Variants in PTPRD observed in about 807,000 individuals in gnomAD.
PTPRD encodes the protein receptor-type tyrosine-protein phosphatase delta.
In PTPRD, 34 loss-of-function variants were observed where a neutral mutation model predicts 214.5. The observed-to-expected ratio is 0.16, with a 90% CI of 0.12 to 0.21. The LOEUF is 0.21. PTPRD is among the 10% of genes least tolerant of loss of function. The probability of loss-of-function intolerance (pLI) is 1.00; values close to 1 mark genes in which losing one functional copy is unlikely to be tolerated. For missense variants in PTPRD, 2,545 were observed against 2,398.7 expected (o/e 1.06, Z -1.27); for synonymous variants, 1,128 against 845.7 (o/e 1.33, Z -5.79).
chr9:8,399,113 T>TTC (rs71317363), intron 36 of PTPRD, among the ~76,000 whole-genome samples: 1 of 146,794 alleles, frequency 6.8e-6, no homozygotes, highest in Non-Finnish European at 1.5e-5. Flanking sequence ...TTTTTTTTTT[T>TTC]CCTTGAAGAA....
intron 3 of PTPRD, among the ~76,000 whole-genome samples, chr9:10,300,801 A>G (rs1317606127): frequency 1.3e-5 from 2 of 152,050 alleles, no homozygotes; most frequent in Non-Finnish European, 2.9e-5. Context: ...TCTCCCTGAG[A>G]CCGAGCACCT....
chr9:10,416,330 G>A (rs10756036), intron 2 of PTPRD, among the ~76,000 whole-genome samples: 111,771 of 151,846 alleles, frequency 0.74, 41,606 homozygotes, highest in Non-Finnish European at 0.81. Context: ...TTGCACTCCA[G>A]CCTGGGCAAG....
At chr9:9,903,757 G>T (rs758096634) in intron 5 of PTPRD, among the ~76,000 whole-genome samples, 1 of 152,004 alleles carries the variant, frequency 6.6e-6, no homozygotes. Context: ...TAAAGTACTT[G>T]AAGTTTTTCA....
intron 12 of PTPRD, among the ~76,000 whole-genome samples, chr9:8,699,403 T>C (rs2098018552): frequency 6.6e-6 from 1 of 152,212 alleles, no homozygotes; most frequent in Non-Finnish European, 1.5e-5. Flanking sequence ...AAATACATGG[T>C]ATTTTTCATG....
At chr9:10,375,818 A>G (rs1021286978) in intron 2 of PTPRD, among the ~76,000 whole-genome samples, 1 of 152,000 alleles carries the variant, frequency 6.6e-6, no homozygotes, top group African/African-American at 2.4e-5. Context: ...AATAAGAGAT[A>G]GTGTTCACAA....
At chr9:10,277,846 G>A (rs894477476) in intron 3 of PTPRD, among the ~76,000 whole-genome samples, 6 of 152,064 alleles carry the variant, frequency 3.9e-5, no homozygotes, top group African/African-American at 1.4e-4. Context: ...CAGGCTGAGT[G>A]CATTAGGGAT....
At chr9:9,985,683 T>G (rs2095685471) in intron 4 of PTPRD, among the ~76,000 whole-genome samples, 1 of 152,024 alleles carries the variant, frequency 6.6e-6, no homozygotes. Context: ...AATTATATTT[T>G]TAAAATATTA....
At chr9:9,109,538 C>G (rs9299087) in intron 10 of PTPRD, among the ~76,000 whole-genome samples, 3 of 151,926 alleles carry the variant, frequency 2.0e-5, no homozygotes, top group Non-Finnish European at 4.4e-5. Context: ...CAAGCATCAA[C>G]GAATAGTGGC....
intron 11 of PTPRD, among the ~76,000 whole-genome samples, chr9:8,734,879 G>T (rs200145576): frequency 1.3e-5 from 2 of 152,270 alleles, no homozygotes; most frequent in East Asian, 3.9e-4. Context: ...TCTCAAACTA[G>T]GCCTTGAAGT....
At chr9:8,388,605 T>A (rs189336980) in intron 37 of PTPRD, among the ~76,000 whole-genome samples, 1 of 152,160 alleles carries the variant, frequency 6.6e-6, no homozygotes, top group Non-Finnish European at 1.5e-5. Flanking sequence ...ATTGGACCCA[T>A]ACGATGAATA....
chr9:10,256,291 G>T (rs541016894), intron 3 of PTPRD, among the ~76,000 whole-genome samples: 2 of 151,638 alleles, frequency 1.3e-5, no homozygotes, highest in South Asian at 2.1e-4. Context: ...TCCACATCTT[G>T]TCCCACTGGA....
At chr9:10,358,020 C>T (rs897518046) in intron 2 of PTPRD, among the ~76,000 whole-genome samples, 2 of 152,136 alleles carry the variant, frequency 1.3e-5, no homozygotes, top group Non-Finnish European at 2.9e-5. Flanking sequence ...GCACTAACTA[C>T]TGTGCTCAAT....
chr9:9,748,361 G>A (rs767801210), intron 6 of PTPRD, among the ~76,000 whole-genome samples: 8 of 152,162 alleles, frequency 5.3e-5, no homozygotes, highest in Non-Finnish European at 1.2e-4. Context: ...ATGATCCATA[G>A]AAGTGTTTAA....
chr9:10,221,256 G>A (rs550964562), intron 3 of PTPRD, among the ~76,000 whole-genome samples: 2 of 151,916 alleles, frequency 1.3e-5, no homozygotes, highest in East Asian at 3.9e-4. Flanking sequence ...GTACTGAACG[G>A]GAGCTCAGAT....
intron 11 of PTPRD, among the ~76,000 whole-genome samples, chr9:8,905,866 C>T (rs2098704382): frequency 6.6e-6 from 1 of 152,206 alleles, no homozygotes; most frequent in African/African-American, 2.4e-5. Context: ...CACAATGATC[C>T]TAAGGAAACA....
intron 7 of PTPRD, among the ~76,000 whole-genome samples, chr9:9,603,749 T>G (rs2093948986): frequency 6.6e-6 from 1 of 152,146 alleles, no homozygotes; most frequent in African/African-American, 2.4e-5. Flanking sequence ...CTTCCATGAA[T>G]CAAGTCCCTG....
At chr9:10,388,756 T>C (rs78126115) in intron 2 of PTPRD, among the ~76,000 whole-genome samples, 9,887 of 151,858 alleles carry the variant, frequency 0.065, 536 homozygotes, top group South Asian at 0.15. Context: ...AGTTAGTTTC[T>C]TCCTCTTTAA....
chr9:9,377,453 G>T (rs1468328845), intron 9 of PTPRD, among the ~76,000 whole-genome samples: 1 of 152,048 alleles, frequency 6.6e-6, no homozygotes, highest in Non-Finnish European at 1.5e-5. Context: ...TTAATTTGTT[G>T]AGAACTTAGT....
At chr9:8,632,820 A>G (rs959820571) in intron 14 of PTPRD, among the ~76,000 whole-genome samples, 1 of 152,054 alleles carries the variant, frequency 6.6e-6, no homozygotes, top group South Asian at 2.1e-4. Flanking sequence ...CAGACAAATA[A>G]AAAATGTATT....
Sources: allele counts gnomAD v4.1 joint callset (sites outside exome capture counted in the v4.1 genomes callset), GRCh38; gene constraint gnomAD v4.1.1; transcripts MANE v1.5; gene names NCBI Gene and HGNC (gene_info 2026-07-23, HGNC 2026-07-21).